Variants in CFHR5 observed in about 807,000 individuals in gnomAD.
CFHR5 encodes complement factor H-related protein 5.
Under a neutral mutation model 62.9 loss-of-function variants are expected in CFHR5, and 73 were observed. The ratio of observed to expected loss-of-function variants is 1.16; its 90% CI spans 0.96 to 1.41. The LOEUF (loss-of-function observed/expected upper bound fraction) is 1.41, where lower values mean the gene tolerates loss of function less well. Ranked by LOEUF, CFHR5 falls within the 40% of genes most tolerant of loss-of-function variation. The pLI is 0.00. For missense variants in CFHR5, 779 were observed against 679.9 expected (o/e 1.15, Z -1.62); for synonymous variants, 249 against 227.2 (o/e 1.10, Z -0.86).
chr1:197,004,428 A>G (rs1336616775), intron 8 of CFHR5, among the ~76,000 whole-genome samples: 1 of 152,034 alleles, frequency 6.6e-6, no homozygotes, highest in African/African-American at 2.4e-5. Flanking sequence ...CCAGAAGTTT[A>G]CTCACCTGTC....
chr1:196,998,281 G>A lies in CFHR5; in HGVS notation c.1124G>A (p.Trp375Ter). 6.2e-7 allele frequency: 1 copy of A among 1,611,348 alleles called. No homozygotes were observed. The highest frequency in any genetic ancestry group is 8.5e-7 in the Non-Finnish European group (1 of 1,178,478). ...YRHSVCINGK[W>*]NPEVDCTEKR... is the part of the protein sequence containing the mutation. ...CACTCAGTCTGTATAAACGGGAAAT[G>A]GAATCCTGAAGTAGACTGCACAGGT... Residue 375 changes from tryptophan (W) to a stop codon, truncating the protein, a stop_gained, in exon 7 of 10, where the codon TGG becomes TAG. Transcript: ENST00000256785. LOFTEE classifies it high-confidence loss of function.
upstream of CFHR5, among the ~76,000 whole-genome samples, chr1:196,975,815 C>T (rs572517767): frequency 1.3e-5 from 2 of 152,226 alleles, no homozygotes; most frequent in South Asian, 4.2e-4. Flanking sequence ...AATTCAGGCA[C>T]AGGGCAGGTA....
chr1:196,981,515 T>C (rs113598980), intron 1 of CFHR5, among the ~76,000 whole-genome samples: 1 of 151,558 alleles, frequency 6.6e-6, no homozygotes, highest in Non-Finnish European at 1.5e-5. Context: ...TAAATATATA[T>C]ATACACAAGA....
At position 196,999,805 on chromosome 1, in the gene CFHR5, ATGTGTGTGTG is replaced by A. The variant is rs538840550; in HGVS notation, c.1147+1515_1147+1524del. 6.1e-4 allele frequency among the ~76,000 whole-genome samples: 83 copies of A among 135,396 alleles called. 1 individual carries two copies. Among genetic ancestry groups the A allele is most frequent in the African/African-American group, 2.2e-3 (83 of 37,946 alleles). The allele number at this position is 135,396 out of a possible 152,430, so 88.8% of individuals were successfully genotyped here. Reference sequence around the variant, plus strand: ...TATATGTATATATGTGTGTATATATATGTGTGTGTGTGTGTGTGTGTGTATATATATAATA... The same window carrying A: ...TATATGTATATATGTGTGTATATATATGTGTGTGTGTGTATATATATAATA... On this transcript the variant is annotated intron_variant, in intron 7 of 9. Coordinates refer to ENST00000256785, the MANE Select transcript of CFHR5 (RefSeq NM_030787.4).
chr1:196,994,136 G>C lies in CFHR5; in HGVS notation c.487G>C (p.Glu163Gln), dbSNP rs1250847285. 1 of 1,612,084 alleles carries C rather than the reference G, an allele frequency of 6.2e-7. No homozygotes were observed. ...CAATGTAGATGCTCAGCCAAAAAAAGAAAGCTACAAAGTTGGAGACGTGTT... is the reference window on the plus strand; with the variant it reads ...CAATGTAGATGCTCAGCCAAAAAAACAAAGCTACAAAGTTGGAGACGTGTT... ...EANVDAQPKK[E>Q]SYKVGDVLKF... Residue 163 changes from glutamate to glutamine, a missense_variant, in exon 4 of 10, where the codon GAA (glutamate) becomes CAA (glutamine). Transcript: ENST00000256785.
At chr1:196,988,957 C>T (rs192075693) in intron 3 of CFHR5, among the ~76,000 whole-genome samples, 11 of 152,296 alleles carry the variant, frequency 7.2e-5, no homozygotes, top group East Asian at 5.8e-4. Flanking sequence ...ACCAGCTCCT[C>T]TTTGAACCTC....
At chr1:196,978,701 T>C (rs1261139314) in intron 1 of CFHR5, among the ~76,000 whole-genome samples, 1 of 152,208 alleles carries the variant, frequency 6.6e-6, no homozygotes, top group Non-Finnish European at 1.5e-5. Context: ...CTTTTAGTAC[T>C]GAGCTATAAT....
At chr1:196,992,339 C>T (rs1278905916) in intron 3 of CFHR5, among the ~76,000 whole-genome samples, 1 of 151,740 alleles carries the variant, frequency 6.6e-6, no homozygotes, top group Non-Finnish European at 1.5e-5. Flanking sequence ...AAAGGGAAAT[C>T]CCCCAACCCC....
chr1:196,993,811 G>A (rs532263066), intron 3 of CFHR5, among the ~76,000 whole-genome samples: 3 of 152,018 alleles, frequency 2.0e-5, no homozygotes, highest in Non-Finnish European at 4.4e-5. Flanking sequence ...ATAATTTACT[G>A]TATGAGTAAC....
intron 3 of CFHR5, among the ~76,000 whole-genome samples, chr1:196,984,453 C>A (rs1258939054): frequency 6.6e-6 from 1 of 152,132 alleles, no homozygotes; most frequent in Non-Finnish European, 1.5e-5. Context: ...TATTAAAGTG[C>A]AAATTAGTCC....
upstream of CFHR5, among the ~76,000 whole-genome samples, chr1:196,977,006 A>G (rs6694853): frequency 0.18 from 27,499 of 151,010 alleles, 4,296 homozygotes; most frequent in African/African-American, 0.43. Context: ...GACGGGTTTC[A>G]CCGTGTTAGC....
intron 6 of CFHR5, among the ~76,000 whole-genome samples, chr1:196,996,469 C>T (rs992235825): frequency 2.0e-5 from 3 of 152,084 alleles, no homozygotes; most frequent in Admixed American, 6.6e-5. Context: ...AATGTATATG[C>T]TTGAATAGTT....
In CFHR5 at chr1:196,998,384, A is replaced by G. The variant is rs1654049542; in HGVS notation, c.1147+80A>G. 4 of 1,159,570 alleles carry G rather than the reference A, an allele frequency of 3.4e-6. No homozygotes were observed. In the African/African-American group the frequency reaches 4.6e-5, roughly 13 times the overall value. 71.8% of individuals were successfully genotyped at this position (1,159,570 alleles called of 1,614,324 possible). A position where few individuals can be genotyped will look rare whatever the true frequency, so the allele number is the denominator to read the frequency against. Reference sequence around the variant, plus strand: ...TATTTTGAAATTAGAATGTTTTTAAATTAAATATTTATTGTGGCATATAAT... The same window carrying G: ...TATTTTGAAATTAGAATGTTTTTAAGTTAAATATTTATTGTGGCATATAAT... On this transcript the variant is annotated intron_variant, in intron 7 of 9. Transcript: ENST00000256785.
chr1:196,983,991 G>T lies in CFHR5; in HGVS notation c.284G>T (p.Gly95Val), dbSNP rs1181330125. The T allele has an allele frequency of 6.2e-7, 1 of 1,610,970 alleles. No individual in the cohort carries two copies. The highest frequency in any genetic ancestry group is 8.5e-7 in the Non-Finnish European group (1 of 1,178,222). ...TGTTCCTTTCCTTTTGTGAAAAATG[G>T]TCATTCTGAATCTTCAGGACTAATA... ...RMCSFPFVKN[G>V]HSESSGLIHL... The change falls in exon 3 of 10, where the codon GGT (glycine) becomes GTT (valine). Residue 95 changes from glycine (G) to valine (V), a missense_variant. Gly to Val is a moderately radical substitution (Grantham distance 109, BLOSUM62 -3). Transcript: ENST00000256785.
intron 4 of CFHR5, 92 bp from the exon 5 acceptor site, chr1:196,995,625 G>A: frequency 9.4e-7 from 1 of 1,062,102 alleles, no homozygotes; most frequent in Non-Finnish European, 1.5e-6. Context: ...CAATATAAAG[G>A]CAATTAATTT....
chr1:196,981,262 A>T (rs1454824680), intron 1 of CFHR5, among the ~76,000 whole-genome samples: 1 of 152,136 alleles, frequency 6.6e-6, no homozygotes. Context: ...TATTGAGGAA[A>T]TATCTCGAGC....
chr1:197,001,755 A>C (rs1011951541), intron 7 of CFHR5, among the ~76,000 whole-genome samples: 1 of 119,384 alleles, frequency 8.4e-6, no homozygotes, highest in Admixed American at 1.2e-4. Flanking sequence ...TCCTGTGTCC[A>C]TGTGTTCTCA....
rs771254388 is a variant in CFHR5 at position 196,998,309 on chromosome 1, G to A, written c.1147+5G>A. The A allele has an allele frequency of 1.2e-6, 2 of 1,607,918 alleles. No individual in the cohort carries two copies. Among genetic ancestry groups the A allele is most frequent in the South Asian group, 2.2e-5 (2 of 90,176 alleles). On this transcript the variant is annotated splice_donor_5th_base_variant and intron_variant, in intron 7 of 9. Coordinates refer to ENST00000256785, the MANE Select transcript of CFHR5 (RefSeq NM_030787.4). The stretch of plus-strand genomic sequence containing the variant: ...ATCCTGAAGTAGACTGCACAGGTAA[G>A]ATTTGTTTAAAACATTTTGTTGATC...
rs1241433580 is a variant in CFHR5, at chr1:196,983,072, G to A, written c.246G>A (p.Lys82=). ...AAGAAGGATGGTCACCAACACCGAA[G>A]TGTCTCAGTGAGTAAATGCCCTGTT... The part of the protein sequence containing the change: ...CTEEGWSPTP[K]CLRMCSFPFV... Residue 82 remains lysine (K), a synonymous_variant, in exon 2 of 10, where the codon AAG becomes AAA. Coordinates refer to ENST00000256785, the MANE Select transcript of CFHR5 (RefSeq NM_030787.4). 6.2e-7 allele frequency: 1 copy of A among 1,614,026 alleles called. No individual in the cohort carries two copies.
Sources: allele counts gnomAD v4.1 joint callset (sites outside exome capture counted in the v4.1 genomes callset), GRCh38; gene constraint gnomAD v4.1.1; transcripts MANE v1.5; gene names NCBI Gene and HGNC (gene_info 2026-07-23, HGNC 2026-07-21).